PIBF1: variants seen among roughly 807,000 people sequenced by gnomAD.
PIBF1 encodes progesterone immunomodulatory binding factor 1, also known as progesterone-induced-blocking factor 1.
PIBF1 carries 90 observed loss-of-function variants against 112.5 expected under a neutral mutation model. The ratio of observed to expected loss-of-function variants is 0.80; its 90% CI spans 0.67 to 0.95. The LOEUF (loss-of-function observed/expected upper bound fraction) is 0.95, where lower values mean the gene tolerates loss of function less well. PIBF1 is among the 40% of genes least tolerant of loss of function. PIBF1 has a pLI of 0.00. For synonymous variants in PIBF1, 301 were observed against 288.6 expected, an observed-to-expected ratio of 1.04 and a Z score of -0.44; for missense variants, 915 against 852.3, an observed-to-expected ratio of 1.07 and a Z score of -0.92.
chr13:72,795,051 G>C (rs2035122763), intron 3 of PIBF1, among the ~76,000 whole-genome samples: 1 of 152,060 alleles, frequency 6.6e-6, no homozygotes, highest in South Asian at 2.1e-4. Context: ...TAGAGTCCTT[G>C]ATGTTTAACA....
intron 5 of PIBF1, among the ~76,000 whole-genome samples, chr13:72,814,403 T>C (rs1211276027): frequency 7.2e-6 from 1 of 139,084 alleles, no homozygotes; most frequent in Non-Finnish European, 1.5e-5. Flanking sequence ...GCCATTGCAC[T>C]CCAGCCTAGG....
chr13:72,915,914 CTTTGT>C (rs1214299422), intron 12 of PIBF1, among the ~76,000 whole-genome samples: 1 of 152,062 alleles, frequency 6.6e-6, no homozygotes, highest in African/African-American at 2.4e-5. Context: ...AAATATGTGG[CTTTGT>C]TTTAATTCTG....
chr13:72,955,465 A>G (rs566985557), intron 14 of PIBF1, among the ~76,000 whole-genome samples: 1 of 152,202 alleles, frequency 6.6e-6, no homozygotes, highest in South Asian at 2.1e-4. Context: ...TTTATAAATT[A>G]TATTCTGTTT....
chr13:72,809,517 G>C (rs2035900012), intron 5 of PIBF1, among the ~76,000 whole-genome samples: 2 of 148,746 alleles, frequency 1.3e-5, no homozygotes, highest in South Asian at 4.2e-4. Context: ...CAATTACACA[G>C]TTAATTTGAC....
intron 2 of PIBF1, among the ~76,000 whole-genome samples, chr13:72,790,635 A>G (rs1168525154): frequency 6.6e-6 from 1 of 152,152 alleles, no homozygotes; most frequent in Non-Finnish European, 1.5e-5. Flanking sequence ...AGAGGGCTAT[A>G]AAGTAAGTCA....
intron 17 of PIBF1, among the ~76,000 whole-genome samples, chr13:73,003,335 C>T (rs1017333433): frequency 4.6e-5 from 7 of 152,014 alleles, no homozygotes; most frequent in African/African-American, 1.4e-4. Flanking sequence ...TCACTGCAAC[C>T]TCCGCCTCCT....
At chr13:72,942,265 T>TTAA (rs1555320515) in intron 14 of PIBF1, among the ~76,000 whole-genome samples, 9 of 134,818 alleles carry the variant, frequency 6.7e-5, no homozygotes, top group Non-Finnish European at 1.1e-4. Flanking sequence ...TTCAATGATG[T>TTAA]AAAAAAAAAA....
intron 14 of PIBF1, among the ~76,000 whole-genome samples, chr13:72,957,222 T>A (rs114908610): frequency 0.011 from 1,638 of 152,246 alleles, 27 homozygotes; most frequent in African/African-American, 0.038. Flanking sequence ...CTCATATTCA[T>A]AGCAGCACAA....
rs151082124 is a variant in PIBF1, at chr13:72,935,174, C to T, written c.1833+3907C>T. ...ATAATTTTTGTATTTTTAGTAGAGGCGGGGTTTCACTATGTTGGCCAGGCT... is the reference window on the plus strand; with the variant it reads ...ATAATTTTTGTATTTTTAGTAGAGGTGGGGTTTCACTATGTTGGCCAGGCT... On this transcript the variant is annotated intron_variant, in intron 14 of 17. Transcript: ENST00000326291. Among the ~76,000 whole-genome samples, 1,245 of 152,104 alleles carry T rather than the reference C, an allele frequency of 8.2e-3. 14 individuals carry two copies. The highest frequency in any genetic ancestry group is 0.028 in the African/African-American group (1,171 of 41,496).
intron 2 of PIBF1, among the ~76,000 whole-genome samples, chr13:72,790,546 GATA>G (rs1393965680): frequency 8.8e-5 from 12 of 136,528 alleles, no homozygotes; most frequent in African/African-American, 3.1e-4. Flanking sequence ...TAGATAGATA[GATA>G]GATAGATAGA....
At chr13:72,994,075 C>T (rs780915557) in intron 16 of PIBF1, among the ~76,000 whole-genome samples, 7 of 150,486 alleles carry the variant, frequency 4.7e-5, no homozygotes, top group Non-Finnish European at 7.4e-5. Flanking sequence ...TTTGCACCAC[C>T]GCACTACAGC....
chr13:72,797,941 A>G lies in PIBF1; in HGVS notation c.587A>G (p.Lys196Arg), dbSNP rs138463106. Residue 196 changes from lysine (K) to arginine (R), a missense_variant, in exon 5 of 18, where the codon AAG (lysine) becomes AGG (arginine). Physicochemically the swap from Lys to Arg is conservative, Grantham distance 26 (BLOSUM62 2). Coordinates refer to ENST00000326291, the MANE Select transcript of PIBF1 (RefSeq NM_006346.4). Reference sequence around the variant, plus strand: ...TATGAGCTAGTGAATCCATTAAGAAAGGAAATCTGTGAACTACAAGTGAAA... The same window carrying G: ...TATGAGCTAGTGAATCCATTAAGAAGGGAAATCTGTGAACTACAAGTGAAA... The part of the protein sequence containing the change: ...RFYELVNPLR[K>R]EICELQVKKN... The G allele has an allele frequency of 4.4e-6, 7 of 1,607,840 alleles. No homozygotes were observed. The highest frequency in any genetic ancestry group is 2.7e-5 in the African/African-American group (2 of 74,628).
At chr13:72,860,297 G>C (rs1297571373) in intron 10 of PIBF1, among the ~76,000 whole-genome samples, 1 of 137,632 alleles carries the variant, frequency 7.3e-6, no homozygotes, top group Non-Finnish European at 1.6e-5. Flanking sequence ...CTTTCCCTGT[G>C]TTTTTTTAGG....
At chr13:72,931,441 G>T (rs1038455480) in intron 14 of PIBF1, among the ~76,000 whole-genome samples, 174 bp downstream of exon 14, 7 of 151,944 alleles carry the variant, frequency 4.6e-5, no homozygotes, top group African/African-American at 1.5e-4. Context: ...ACAGTGTATG[G>T]CAAAACTGAG....
chr13:72,788,614 T>C (rs963117269), intron 2 of PIBF1, among the ~76,000 whole-genome samples: 1 of 152,222 alleles, frequency 6.6e-6, no homozygotes. Context: ...AAAGGGGGCA[T>C]GTGCCAAATG....
intron 10 of PIBF1, among the ~76,000 whole-genome samples, chr13:72,858,452 C>T (rs969883077): frequency 6.6e-6 from 1 of 152,154 alleles, no homozygotes; most frequent in African/African-American, 2.4e-5. Flanking sequence ...TTTACTGTAG[C>T]ATAGTTGACA....
chr13:72,857,934 C>T (rs2038502809), intron 10 of PIBF1, among the ~76,000 whole-genome samples: 1 of 152,036 alleles, frequency 6.6e-6, no homozygotes. Flanking sequence ...TATGGAAAAA[C>T]AGGCAATCTT....
At chr13:72,851,340 C>G (rs551382263) in intron 9 of PIBF1, among the ~76,000 whole-genome samples, 1 of 152,386 alleles carries the variant, frequency 6.6e-6, no homozygotes, top group South Asian at 2.1e-4. Flanking sequence ...CCTCTCCCTA[C>G]TCCCAGCACC....
At chr13:72,810,451 T>C (rs1361791656) in intron 5 of PIBF1, among the ~76,000 whole-genome samples, 4 of 152,232 alleles carry the variant, frequency 2.6e-5, no homozygotes, top group Non-Finnish European at 5.9e-5. Context: ...CTTCCTTGTT[T>C]AGAAACATAG....
Sources: gnomAD v4.1 joint callset for allele counts (sites outside exome capture counted in the v4.1 genomes callset) on GRCh38, gnomAD v4.1.1 for gene constraint, MANE v1.5 for transcripts, NCBI Gene and HGNC (gene_info 2026-07-23, HGNC 2026-07-21) for gene names.